The following VEPH1 variants were observed in gnomAD, a reference collection of about 807,000 sequenced individuals.
VEPH1 encodes ventricular zone expressed PH domain containing 1.
In VEPH1, 80 loss-of-function variants were observed where a neutral mutation model predicts 85.2. That is an observed-to-expected ratio of 0.94 (90% CI 0.78 to 1.13). The LOEUF is 1.13. VEPH1 is among the 50% of genes most tolerant of loss of function. The pLI is 0.00. For synonymous variants in VEPH1, 297 were observed against 348.0 expected, an observed-to-expected ratio of 0.85 and a Z score of 1.63; for missense variants, 955 against 980.5, an observed-to-expected ratio of 0.97 and a Z score of 0.35.
intron 1 of VEPH1, among the ~76,000 whole-genome samples, chr3:157,496,790 CAACTA>C (rs755184014): frequency 6.6e-6 from 1 of 152,144 alleles, no homozygotes; most frequent in Non-Finnish European, 1.5e-5. Flanking sequence ...ATTACACACT[CAACTA>C]AATAAGCTAT....
At chr3:157,313,313 T>C (rs1176129720) in intron 11 of VEPH1, among the ~76,000 whole-genome samples, 1 of 151,908 alleles carries the variant, frequency 6.6e-6, no homozygotes, top group Non-Finnish European at 1.5e-5. Context: ...GGATTACAGA[T>C]AAAAGTCACC....
intron 4 of VEPH1, chr3:157,437,412 A>T (rs1577653793): frequency 1.4e-6 from 2 of 1,401,516 alleles, no homozygotes; most frequent in East Asian, 5.0e-5. Flanking sequence ...AATGCCAGGA[A>T]CGGGCTGCAA....
intron 5 of VEPH1, among the ~76,000 whole-genome samples, chr3:157,419,343 G>A (rs1482375237): frequency 6.6e-6 from 1 of 152,108 alleles, no homozygotes; most frequent in Non-Finnish European, 1.5e-5. Context: ...TAATTAAAGA[G>A]CTTCTGCACA....
chr3:157,427,937 C>T (rs1247239866), intron 5 of VEPH1, among the ~76,000 whole-genome samples: 2 of 152,150 alleles, frequency 1.3e-5, no homozygotes, highest in Non-Finnish European at 2.9e-5. Flanking sequence ...TAACTGAGGG[C>T]CCGAATAGAA....
At chr3:157,310,425 A>T (rs1559945862) in intron 11 of VEPH1, among the ~76,000 whole-genome samples, 1 of 152,220 alleles carries the variant, frequency 6.6e-6, no homozygotes, top group African/African-American at 2.4e-5. Context: ...TCTCCACTGT[A>T]CAAGTAAAGA....
At chr3:157,403,874 C>T (rs1211999438) in intron 6 of VEPH1, among the ~76,000 whole-genome samples, 1 of 152,088 alleles carries the variant, frequency 6.6e-6, no homozygotes, top group Admixed American at 6.6e-5. Context: ...CAGATAAATC[C>T]TGTAGGGCCT....
intron 7 of VEPH1, among the ~76,000 whole-genome samples, chr3:157,380,627 C>G (rs916324029): frequency 6.6e-6 from 1 of 152,216 alleles, no homozygotes; most frequent in African/African-American, 2.4e-5. Flanking sequence ...CTTCCCACCC[C>G]TCTCCCTTTG....
chr3:157,365,319 A>G (rs925873740), intron 7 of VEPH1, among the ~76,000 whole-genome samples: 1 of 152,188 alleles, frequency 6.6e-6, no homozygotes, highest in African/African-American at 2.4e-5. Context: ...TTTAATTTTT[A>G]TTCAACAACC....
chr3:157,412,163 G>A (rs913292519), intron 6 of VEPH1, among the ~76,000 whole-genome samples: 11 of 152,142 alleles, frequency 7.2e-5, no homozygotes, highest in African/African-American at 2.7e-4. Flanking sequence ...CCAGCATCAT[G>A]CTTCCTGTTG....
intron 11 of VEPH1, among the ~76,000 whole-genome samples, chr3:157,301,972 G>C (rs1212629036): frequency 6.6e-6 from 1 of 152,080 alleles, no homozygotes; most frequent in South Asian, 2.1e-4. Flanking sequence ...CTTCAGATTC[G>C]GATGTCTGAA....
chr3:157,293,487 T>C (rs1391710459), intron 11 of VEPH1, among the ~76,000 whole-genome samples: 1 of 152,230 alleles, frequency 6.6e-6, no homozygotes, highest in Non-Finnish European at 1.5e-5. Flanking sequence ...GGCAATTCTA[T>C]GTGTCTGGCT....
rs1393261440 is a variant in VEPH1 at position 157,344,818 on chromosome 3, CA to C, written c.1735+18545del. Among the ~76,000 whole-genome samples the C allele has an allele frequency of 2.0e-5, 3 of 152,100 alleles. No homozygotes were observed. The East Asian group carries it at 5.8e-4, about 29-fold the overall frequency. Reference sequence around the variant, plus strand: ...AACCAAAACATCATGGTACTGGTACCAAAACAGAGATATCGACCAACGGAAA... The same window carrying C: ...AACCAAAACATCATGGTACTGGTACCAAACAGAGATATCGACCAACGGAAA... On this transcript the variant is annotated intron_variant, in intron 9 of 13. Coordinates refer to ENST00000362010, the MANE Select transcript of VEPH1 (RefSeq NM_001167912.2).
chr3:157,339,802 G>C (rs562604950), intron 9 of VEPH1, among the ~76,000 whole-genome samples: 6 of 152,254 alleles, frequency 3.9e-5, no homozygotes, highest in African/African-American at 1.2e-4. Context: ...CTCACTGATT[G>C]TGCCTAAACC....
chr3:157,381,283 T>C lies in VEPH1; in HGVS notation c.1000A>G (p.Ile334Val), dbSNP rs753177790. 6.2e-7 allele frequency: 1 copy of C among 1,614,200 alleles called. No homozygotes were observed. Among genetic ancestry groups the C allele is most frequent in the Non-Finnish European group, 8.5e-7 (1 of 1,180,024 alleles). ...AAGATTGAGGAGAAGGTGTCGGTGA[T>C]GCTTTTAATCTCCAGCAGGAGAATA... ...HHILLLEIKS[I>V]TDTFSSILGP... Residue 334 changes from isoleucine to valine, a missense_variant, in exon 7 of 14, where the codon ATC becomes GTC. Coordinates refer to ENST00000362010, the MANE Select transcript of VEPH1 (RefSeq NM_001167912.2).
rs772676254 is a variant in VEPH1 at position 157,313,740 on chromosome 3, G to A, written c.1891C>T (p.Pro631Ser). The A allele has an allele frequency of 1.2e-6, 2 of 1,614,120 alleles. No individual in the cohort carries two copies. The highest frequency in any genetic ancestry group is 2.2e-5 in the South Asian group (2 of 91,076). ...ACAGAATGACTCTGAATGGACAGGG[G>A]TTCAGGAAACAGGCTCTGAAAGGGC... ...FLFQQSLFPEPLSIQSHSVQF... is the reference protein window; with the variant it reads ...FLFQQSLFPESLSIQSHSVQF... The change falls in exon 11 of 14, where the codon CCC becomes TCC. Residue 631 changes from proline (P) to serine (S), a missense_variant. Pro to Ser is a moderately conservative substitution (Grantham distance 74). Transcript: ENST00000362010.
At chr3:157,413,374 T>C in intron 6 of VEPH1, 1 of 740,146 alleles carries the variant, frequency 1.4e-6, no homozygotes, top group Non-Finnish European at 1.7e-6. Flanking sequence ...GAAAACATTC[T>C]GAACCCAGGC....
At chr3:157,380,175 G>A (rs566967506) in intron 7 of VEPH1, among the ~76,000 whole-genome samples, 1 of 152,298 alleles carries the variant, frequency 6.6e-6, no homozygotes, top group African/African-American at 2.4e-5. Flanking sequence ...ACCAATGGCA[G>A]CTTCCTCACC....
At chr3:157,277,860 G>A (rs1715595994) in intron 12 of VEPH1, among the ~76,000 whole-genome samples, 1 of 152,206 alleles carries the variant, frequency 6.6e-6, no homozygotes, top group Admixed American at 6.5e-5. Context: ...GCACAAAAGA[G>A]ATGCTGTAAA....
Position 157,470,471 on chromosome 3 carries a change from G to A in VEPH1, c.197C>T (p.Thr66Ile). 1.2e-6 allele frequency: 2 copies of A among 1,614,160 alleles called. No homozygotes were observed. The highest frequency in any genetic ancestry group is 1.7e-6 in the Non-Finnish European group (2 of 1,180,024). ...GGACTCGGTCTCTCTGATGGCTGTT[G>A]TGATTCTTGTGATACAGATTTCAAC... ...AVVEICITRI[T>I]TAIRETESIE... Residue 66 changes from threonine (T) to isoleucine (I), a missense_variant, in exon 3 of 14, where the codon ACA becomes ATA. Thr to Ile is a moderately conservative substitution (Grantham distance 89). Transcript: ENST00000362010.
Sources: gnomAD v4.1 joint callset for allele counts (sites outside exome capture counted in the v4.1 genomes callset) on GRCh38, gnomAD v4.1.1 for gene constraint, MANE v1.5 for transcripts, NCBI Gene and HGNC (gene_info 2026-07-23, HGNC 2026-07-21) for gene names.